CREB3L2: variants seen among roughly 807,000 people sequenced by gnomAD.
CREB3L2 encodes the protein cyclic AMP-responsive element-binding protein 3-like protein 2.
A neutral mutation model predicts 57.2 loss-of-function variants in CREB3L2; 23 were observed. The observed-to-expected ratio is 0.40, with a 90% CI of 0.29 to 0.57. The LOEUF (loss-of-function observed/expected upper bound fraction) is 0.57, where lower values mean the gene tolerates loss of function less well. Ranked by LOEUF, CREB3L2 falls within the 20% of genes least tolerant of loss-of-function variation. The pLI is 0.42. For synonymous variants in CREB3L2, 268 were observed against 265.1 expected, an observed-to-expected ratio of 1.01 and a Z score of -0.11; for missense variants, 628 against 634.7, an observed-to-expected ratio of 0.99 and a Z score of 0.11.
chr7:137,927,634 T>C (rs1800502947), intron 2 of CREB3L2, among the ~76,000 whole-genome samples: 1 of 151,986 alleles, frequency 6.6e-6, no homozygotes, highest in Non-Finnish European at 1.5e-5. Context: ...ACCACACTCA[T>C]GGCATTGATG....
chr7:137,929,701 A>G (rs1334852745), intron 1 of CREB3L2, among the ~76,000 whole-genome samples: 1 of 147,902 alleles, frequency 6.8e-6, no homozygotes, highest in Admixed American at 6.7e-5. Context: ...TCTTTACTAA[A>G]TATACAAAAA....
At chr7:137,917,150 T>A (rs531959036) in intron 2 of CREB3L2, among the ~76,000 whole-genome samples, 3 of 152,212 alleles carry the variant, frequency 2.0e-5, no homozygotes, top group Admixed American at 1.3e-4. Flanking sequence ...CTGGGTCTTG[T>A]CTTTCCTGAT....
intron 1 of CREB3L2, among the ~76,000 whole-genome samples, chr7:137,979,005 A>G (rs999947415): frequency 3.7e-4 from 57 of 152,352 alleles, no homozygotes; most frequent in African/African-American, 1.2e-3. Context: ...ACAAAACTCA[A>G]GACTCACAAC....
rs566011048 is a variant in CREB3L2 at position 137,991,399 on chromosome 7, C to T, written c.102+10205G>A. On this transcript the variant is annotated intron_variant, in intron 1 of 11. Transcript: ENST00000330387. ...CAGGATGGTCTCGATCTCCTGACCTCGTGATCCACCCACCTCAGCCTCCCA... is the reference window on the plus strand; with the variant it reads ...CAGGATGGTCTCGATCTCCTGACCTTGTGATCCACCCACCTCAGCCTCCCA... 3.3e-5 allele frequency among the ~76,000 whole-genome samples: 5 copies of T among 151,878 alleles called. No individual in the cohort carries two copies. The South Asian group carries it at 1.0e-3, about 32-fold the overall frequency.
intron 1 of CREB3L2, among the ~76,000 whole-genome samples, chr7:137,974,053 T>G (rs907255911): frequency 4.9e-5 from 5 of 102,822 alleles, no homozygotes; most frequent in Admixed American, 4.0e-4. Context: ...CATCTGCTCT[T>G]TAAAAAAAAA....
At position 137,880,633 on chromosome 7, in the gene CREB3L2, C is replaced by CCCTGA; in HGVS notation, c.1488-83_1488-82insTCAGG. On this transcript the variant is annotated intron_variant, in intron 11 of 11. Coordinates refer to ENST00000330387, the MANE Select transcript of CREB3L2 (RefSeq NM_194071.4). This position sits in a 1 kb window ranked among gnomAD's most constrained non-coding sequence, Gnocchi z 4.0. ...CTCATGCTTTGTAGCGTGATGCAAT[C>CCCTGA]ATTCAGGGGTTGCAACTTGGTGAGA... is the stretch of plus-strand genomic sequence containing the variant. 2 of 1,146,872 alleles carry CCCTGA rather than the reference C, an allele frequency of 1.7e-6. No individual in the cohort carries two copies. The highest frequency in any genetic ancestry group is 2.6e-6 in the Non-Finnish European group (2 of 764,970). 71.0% of individuals were successfully genotyped at this position (1,146,872 alleles called of 1,614,324 possible).
chr7:137,931,280 T>G (rs756982020), intron 1 of CREB3L2, among the ~76,000 whole-genome samples: 3 of 151,874 alleles, frequency 2.0e-5, no homozygotes, highest in Non-Finnish European at 2.9e-5. Flanking sequence ...CCCAGCACTT[T>G]GGGAGGCTGA....
At chr7:137,930,025 C>T (rs965425612) in intron 1 of CREB3L2, among the ~76,000 whole-genome samples, 3 of 151,688 alleles carry the variant, frequency 2.0e-5, no homozygotes, top group South Asian at 2.1e-4. Context: ...TCCTGAGTAG[C>T]TGGGACTACA....
chr7:137,893,563 G>A (rs1799563511), intron 8 of CREB3L2, among the ~76,000 whole-genome samples: 1 of 152,104 alleles, frequency 6.6e-6, no homozygotes. Flanking sequence ...TAGTGTGTAG[G>A]GAACAAATAC....
intron 3 of CREB3L2, 62 bp from the exon 4 acceptor site, chr7:137,913,140 G>A: frequency 6.5e-7 from 1 of 1,528,110 alleles, no homozygotes; most frequent in African/African-American, 1.4e-5. Flanking sequence ...GACACATGCA[G>A]GAGAGCTATT....
chr7:137,974,603 A>G (rs1801571723), intron 1 of CREB3L2, among the ~76,000 whole-genome samples: 1 of 152,214 alleles, frequency 6.6e-6, no homozygotes, highest in African/African-American at 2.4e-5. Context: ...AAAGTTGTTA[A>G]TAGGCTACTG....
At chr7:137,966,655 A>C (rs76168717) in intron 1 of CREB3L2, among the ~76,000 whole-genome samples, 1 of 152,230 alleles carries the variant, frequency 6.6e-6, no homozygotes, top group East Asian at 1.9e-4. Context: ...AAAAATAATA[A>C]GGAAATTTTA....
At chr7:137,963,695 C>T (rs1297806518) in intron 1 of CREB3L2, among the ~76,000 whole-genome samples, 1 of 152,154 alleles carries the variant, frequency 6.6e-6, no homozygotes, top group Non-Finnish European at 1.5e-5. Flanking sequence ...CTAATTTTCC[C>T]CCAGGATCTT....
chr7:137,922,399 T>TATATATAC (rs1800319091), intron 2 of CREB3L2, among the ~76,000 whole-genome samples: 2 of 16,840 alleles, frequency 1.2e-4, no homozygotes, highest in Non-Finnish European at 2.1e-4. Context: ...TATATATATA[T>TATATATAC]ATATATATAT....
Position 137,880,305 on chromosome 7 carries a change from A to G in CREB3L2, c.*171T>C, listed in dbSNP as rs1563235449. ...CACAGGAGGGGCATGGACCAGGGGG[A>G]GATGCTCTCTCACTGCAGGGAAGTC... is the stretch of plus-strand genomic sequence containing the variant. On this transcript the variant is annotated 3_prime_UTR_variant, in exon 12 of 12. Transcript: ENST00000330387. This position sits in a 1 kb window ranked among gnomAD's most constrained non-coding sequence, Gnocchi z 4.0. 8 of 626,538 alleles carry G rather than the reference A, an allele frequency of 1.3e-5. No homozygotes were observed. Among genetic ancestry groups the G allele is most frequent in the Admixed American group, 2.5e-5 (1 of 39,246 alleles). 38.8% of individuals were successfully genotyped at this position (626,538 alleles called of 1,614,324 possible).
Position 137,916,012 on chromosome 7 carries a change from T to C in CREB3L2, c.320A>G (p.Asp107Gly), listed in dbSNP as rs115655218. Residue 107 changes from aspartate (D) to glycine (G), a missense_variant and splice_region_variant, in exon 3 of 12, where the codon GAT becomes GGT. Physicochemically the swap from Asp to Gly is moderately conservative, Grantham distance 94. This residue lies in a region of CREB3L2 where 339 missense variants were observed against 355.4 expected (regional missense o/e 0.95). Coordinates refer to ENST00000330387, the MANE Select transcript of CREB3L2 (RefSeq NM_194071.4). ...GTACCATTTCTCACTTTCCACCTCA[T>C]CTGCAGGAAAAAAGACAAGCACACA... ...HITTSDSFND[D>G]EVESEKWYLS... 2.9e-4 allele frequency: 464 copies of C among 1,609,764 alleles called. 2 individuals are homozygous for C. In the African/African-American group the frequency reaches 5.3e-3, roughly 18 times the overall value.
At chr7:137,887,083 G>A (rs1283980841) in intron 8 of CREB3L2, among the ~76,000 whole-genome samples, 1 of 152,140 alleles carries the variant, frequency 6.6e-6, no homozygotes, top group African/African-American at 2.4e-5. Context: ...AATGTGTGCT[G>A]TGATGTAACA....
chr7:137,904,102 T>C, intron 6 of CREB3L2, 85 bp from the exon 7 acceptor site: 1 of 1,128,868 alleles, frequency 8.9e-7, no homozygotes, highest in South Asian at 1.3e-5. Flanking sequence ...AGCGTAGAAG[T>C]CACCAAAGCC....
intron 7 of CREB3L2, 142 bp from the exon 8 acceptor site, chr7:137,901,564 G>A (rs1454353771): frequency 7.7e-6 from 4 of 519,468 alleles, no homozygotes; most frequent in Non-Finnish European, 1.4e-5. Context: ...AGTATTGAAA[G>A]AAGGATGAAG....
Sources: gnomAD v4.1 joint callset for allele counts (sites outside exome capture counted in the v4.1 genomes callset) on GRCh38, gnomAD v4.1.1 for gene constraint, gnomAD v4.1.1 regional missense constraint, Gnocchi (gnomAD v3.1) non-coding constraint, MANE v1.5 for transcripts, NCBI Gene and HGNC (gene_info 2026-07-23, HGNC 2026-07-21) for gene names.